The following CLVS1 variants were observed in gnomAD, a reference collection of about 807,000 sequenced individuals.
CLVS1 encodes clavesin-1.
Under a neutral mutation model 33.1 loss-of-function variants are expected in CLVS1, and 10 were observed. The ratio of observed to expected loss-of-function variants is 0.30; its 90% CI spans 0.19 to 0.51. The LOEUF is 0.51. Among genes scored for constraint, CLVS1 ranks in the 20% least tolerant of loss-of-function variants. The probability of loss-of-function intolerance (pLI) is 0.97; values close to 1 mark genes in which losing one functional copy is unlikely to be tolerated. For synonymous variants in CLVS1, 163 were observed against 166.1 expected, an observed-to-expected ratio of 0.98 and a Z score of 0.14; for missense variants, 343 against 433.4, an observed-to-expected ratio of 0.79 and a Z score of 1.85.
At chr8:61,394,341 T>A (rs1231597097) in intron 3 of CLVS1, among the ~76,000 whole-genome samples, 1 of 152,176 alleles carries the variant, frequency 6.6e-6, no homozygotes, top group Non-Finnish European at 1.5e-5. Context: ...TTGCCTTATG[T>A]TGGCCAGGAT....
upstream of CLVS1, among the ~76,000 whole-genome samples, chr8:61,056,496 A>G (rs1804475073): frequency 6.6e-6 from 1 of 152,152 alleles, no homozygotes; most frequent in Admixed American, 6.5e-5. Flanking sequence ...AAAATGTTCT[A>G]GTGGTCTGAG....
chr8:61,191,336 T>C (rs1807470800), intron 2 of CLVS1, among the ~76,000 whole-genome samples: 1 of 152,178 alleles, frequency 6.6e-6, no homozygotes, highest in Non-Finnish European at 1.5e-5. Context: ...CGCTTCATGC[T>C]AAAAACTCTC....
intron 3 of CLVS1, among the ~76,000 whole-genome samples, chr8:61,389,399 G>C (rs1388278393): frequency 6.6e-6 from 1 of 152,160 alleles, no homozygotes; most frequent in Non-Finnish European, 1.5e-5. Flanking sequence ...AAATTAGCCA[G>C]ATGTGGTGGC....
chr8:61,021,413 C>A, the CLVS1 span, among the ~76,000 whole-genome samples: 2 of 152,098 alleles, frequency 1.3e-5, no homozygotes, highest in Admixed American at 1.3e-4. Flanking sequence ...TGCAATGGCG[C>A]GATCTCAGTT....
At chr8:61,107,835 T>C (rs1203754049) in intron 1 of CLVS1, among the ~76,000 whole-genome samples, 1 of 152,270 alleles carries the variant, frequency 6.6e-6, no homozygotes, top group East Asian at 1.9e-4. Flanking sequence ...TGGATTTTCC[T>C]TTGGATTTGG....
chr8:61,028,734 ATGC>A, the CLVS1 span, among the ~76,000 whole-genome samples: 1 of 152,172 alleles, frequency 6.6e-6, no homozygotes, highest in African/African-American at 2.4e-5. Flanking sequence ...TACCAATGAA[ATGC>A]TGATGATCCC....
rs79326090 is a variant in CLVS1 at position 61,326,669 on chromosome 8, C to T, written c.455+26387C>T. On this transcript the variant is annotated intron_variant, in intron 2 of 5. Transcript: ENST00000325897. ...ATGGGAGGAATTTGTGACCATTAAA[C>T]AATGTACCACAGAAACCAAATCCTC... Among the ~76,000 whole-genome samples, 358 of 152,252 alleles carry T rather than the reference C, an allele frequency of 2.4e-3. 1 individual carries two copies. The highest frequency in any genetic ancestry group is 8.1e-3 in the African/African-American group (335 of 41,564).
At chr8:61,100,104 A>C (rs1312837541) in intron 1 of CLVS1, among the ~76,000 whole-genome samples, 3 of 152,204 alleles carry the variant, frequency 2.0e-5, no homozygotes, top group African/African-American at 7.2e-5. Flanking sequence ...ACTGATGATT[A>C]ATCTATTTTA....
At chr8:61,143,870 C>T (rs950185043) in intron 2 of CLVS1, among the ~76,000 whole-genome samples, 1 of 146,656 alleles carries the variant, frequency 6.8e-6, no homozygotes, top group African/African-American at 2.5e-5. Context: ...ATATAATATT[C>T]TCATATTAAA....
intron 5 of CLVS1, among the ~76,000 whole-genome samples, chr8:61,494,675 T>C (rs1239640060): frequency 6.6e-6 from 1 of 152,140 alleles, no homozygotes; most frequent in East Asian, 1.9e-4. Context: ...GAGCAGTTGA[T>C]TGGTCTTCCC....
At chr8:61,014,819 AAAT>A in the CLVS1 span, among the ~76,000 whole-genome samples, 1 of 152,234 alleles carries the variant, frequency 6.6e-6, no homozygotes, top group African/African-American at 2.4e-5. Flanking sequence ...AACAACTGCA[AAAT>A]AATCTTATCT....
chr8:61,355,508 C>T (rs997041954), intron 2 of CLVS1, among the ~76,000 whole-genome samples: 2 of 152,044 alleles, frequency 1.3e-5, no homozygotes, highest in African/African-American at 2.4e-5. Context: ...TGGTGTGCTG[C>T]ACCCATTAAC....
At chr8:61,072,259 G>A (rs7837445) in intron 1 of CLVS1, among the ~76,000 whole-genome samples, 84,373 of 151,992 alleles carry the variant, frequency 0.56, 26,248 homozygotes, top group African/African-American at 0.84. Context: ...CCACTTCCCC[G>A]CTCTGTGGCA....
At chr8:61,488,597 A>G (rs1227165072) in intron 5 of CLVS1, among the ~76,000 whole-genome samples, 3 of 152,140 alleles carry the variant, frequency 2.0e-5, no homozygotes, top group Admixed American at 2.0e-4. Flanking sequence ...AGTGTTGTAA[A>G]ATGATAAACA....
At position 61,407,204 on chromosome 8, in the gene CLVS1, C is replaced by G. The variant is rs562845739; in HGVS notation, c.630+30425C>G. 9.8e-5 allele frequency among the ~76,000 whole-genome samples: 15 copies of G among 152,310 alleles called. No homozygotes were observed. In the South Asian group the frequency reaches 3.1e-3, roughly 32 times the overall value. The stretch of plus-strand genomic sequence containing the variant: ...TGATGCCTAACATATGAAGAATACT[C>G]AGCACCATGGCTAGAACATACCTAA... On this transcript the variant is annotated intron_variant, in intron 3 of 5. Transcript: ENST00000325897.
At chr8:61,029,983 C>T in the CLVS1 span, among the ~76,000 whole-genome samples, 1 of 152,172 alleles carries the variant, frequency 6.6e-6, no homozygotes, top group Non-Finnish European at 1.5e-5. Flanking sequence ...AGGTGTGTTG[C>T]ATCTCAGGCA....
At chr8:60,976,228 G>T in the CLVS1 span, among the ~76,000 whole-genome samples, 7 of 152,190 alleles carry the variant, frequency 4.6e-5, no homozygotes, top group Admixed American at 1.3e-4. Context: ...TCACTGGGTT[G>T]TTTAATCCCT....
At position 61,300,036 on chromosome 8, in the gene CLVS1, G is replaced by A. The variant is rs766850570; in HGVS notation, c.209G>A (p.Arg70His). 1.4e-5 allele frequency: 22 copies of A among 1,614,014 alleles called. No homozygotes were observed. The highest frequency in any genetic ancestry group is 2.2e-5 in the East Asian group (1 of 44,874). The part of the protein sequence containing the change: ...IITRPDIGFL[R>H]TDDAFILRFL... ...ACCAGGCCTGACATTGGATTTTTAC[G>A]TACAGATGATGCCTTCATCCTGAGA... The change falls in exon 2 of 6, where the codon CGT becomes CAT. Residue 70 changes from arginine to histidine, a missense_variant. This residue lies in a region of CLVS1 where 166 missense variants were observed against 244.0 expected (regional missense o/e 0.68). Transcript: ENST00000325897.
intron 1 of CLVS1, among the ~76,000 whole-genome samples, chr8:61,076,330 C>T (rs1245117269): frequency 1.3e-5 from 2 of 152,136 alleles, no homozygotes. Flanking sequence ...CGCATGCATG[C>T]TGGGTGGGGA....
Sources: gnomAD v4.1 joint callset for allele counts (sites outside exome capture counted in the v4.1 genomes callset) on GRCh38, gnomAD v4.1.1 for gene constraint, gnomAD v4.1.1 regional missense constraint, MANE v1.5 for transcripts, NCBI Gene and HGNC (gene_info 2026-07-23, HGNC 2026-07-21) for gene names.